FARS2: variants seen among roughly 807,000 people sequenced by gnomAD.
The protein encoded by FARS2 is phenylalanyl-tRNA synthetase 2, mitochondrial, also known as phenylalanine--tRNA ligase, mitochondrial.
FARS2 carries 40 observed loss-of-function variants against 46.4 expected under a neutral mutation model. That is an observed-to-expected ratio of 0.86 (90% CI 0.67 to 1.12). The LOEUF is 1.12. Ranked by LOEUF, FARS2 falls within the 50% of genes most tolerant of loss-of-function variation. FARS2 has a pLI of 0.00. For missense variants in FARS2, 513 were observed against 567.9 expected (o/e 0.90, Z 0.98); for synonymous variants, 234 against 214.9 (o/e 1.09, Z -0.78).
rs141462746 is a variant in FARS2 at position 5,707,274 on chromosome 6, A to G, written c.1218-64017A>G. 2.6e-3 allele frequency among the ~76,000 whole-genome samples: 403 copies of G among 152,348 alleles called. 6 individuals are homozygous for G. Among genetic ancestry groups the G allele is most frequent in the Non-Finnish European group, 4.9e-4 (33 of 68,034 alleles). Reference sequence around the variant, plus strand: ...AACGACTCCTCGTTACCAGTTGAGGACCAACCATTATTCCAATATTACATG... The same window carrying G: ...AACGACTCCTCGTTACCAGTTGAGGGCCAACCATTATTCCAATATTACATG... On this transcript the variant is annotated intron_variant, in intron 6 of 6. Transcript: ENST00000274680.
At chr6:5,689,102 A>T (rs1369421927) in intron 6 of FARS2, among the ~76,000 whole-genome samples, 2 of 151,546 alleles carry the variant, frequency 1.3e-5, no homozygotes, top group African/African-American at 4.9e-5. Flanking sequence ...TTTCTTCTTT[A>T]TTAGTCTTGC....
chr6:5,293,016 A>G (rs187359776), intron 1 of FARS2, among the ~76,000 whole-genome samples: 1 of 152,354 alleles, frequency 6.6e-6, no homozygotes, highest in African/African-American at 2.4e-5. Flanking sequence ...TGCCGCACAG[A>G]ATTCAAGTAA....
intron 5 of FARS2, among the ~76,000 whole-genome samples, chr6:5,581,913 T>C (rs866973628): frequency 2.0e-5 from 3 of 151,342 alleles, no homozygotes; most frequent in Admixed American, 6.6e-5. Context: ...CCTGATGCGC[T>C]TCTATAAATG....
At chr6:5,278,461 C>T (rs141560023) in intron 1 of FARS2, among the ~76,000 whole-genome samples, 4 of 152,066 alleles carry the variant, frequency 2.6e-5, no homozygotes, top group Admixed American at 6.5e-5. Flanking sequence ...TATGGTAAAA[C>T]GAAGGGATTT....
At chr6:5,546,214 T>C (rs1488258724) in intron 5 of FARS2, among the ~76,000 whole-genome samples, 2 of 151,896 alleles carry the variant, frequency 1.3e-5, no homozygotes, top group South Asian at 2.1e-4. Flanking sequence ...AGAAAAGATA[T>C]TTGTCAATAT....
At chr6:5,334,801 A>G (rs1771042991) in intron 1 of FARS2, among the ~76,000 whole-genome samples, 1 of 152,218 alleles carries the variant, frequency 6.6e-6, no homozygotes, top group South Asian at 2.1e-4. Flanking sequence ...AAATAATTAT[A>G]AATCACTTAA....
At chr6:5,429,739 G>A (rs1450699397) in intron 3 of FARS2, among the ~76,000 whole-genome samples, 1 of 152,162 alleles carries the variant, frequency 6.6e-6, no homozygotes, top group African/African-American at 2.4e-5. Flanking sequence ...GAGCCCAGGA[G>A]TTTGCAGTTA....
chr6:5,439,016 C>T (rs1172129623), intron 4 of FARS2, among the ~76,000 whole-genome samples: 1 of 152,152 alleles, frequency 6.6e-6, no homozygotes, highest in African/African-American at 2.4e-5. Flanking sequence ...GTGACTGTTG[C>T]TGTTTTAGTA....
At chr6:5,539,805 C>G (rs923384388) in intron 4 of FARS2, among the ~76,000 whole-genome samples, 2 of 152,156 alleles carry the variant, frequency 1.3e-5, no homozygotes, top group African/African-American at 4.8e-5. Flanking sequence ...GAATTCTCAT[C>G]ATCAGCATTA....
chr6:5,610,824 T>C (rs1775138446), intron 5 of FARS2, among the ~76,000 whole-genome samples: 1 of 152,264 alleles, frequency 6.6e-6, no homozygotes, highest in Middle Eastern at 3.2e-3. Context: ...CCTGTCCAGC[T>C]TCAGCCTCTC....
chr6:5,310,710 A>G (rs1046662345), intron 1 of FARS2, among the ~76,000 whole-genome samples: 8 of 152,310 alleles, frequency 5.3e-5, no homozygotes, highest in African/African-American at 1.9e-4. Context: ...ATCAAACAAA[A>G]AGTAATCTAA....
At chr6:5,645,554 G>A (rs1582660422) in intron 6 of FARS2, among the ~76,000 whole-genome samples, 1 of 152,162 alleles carries the variant, frequency 6.6e-6, no homozygotes, top group Admixed American at 6.5e-5. Flanking sequence ...TTTGTTCAGG[G>A]CCACGTAGCC....
At chr6:5,342,418 C>A (rs1561970996) in intron 1 of FARS2, among the ~76,000 whole-genome samples, 1 of 152,142 alleles carries the variant, frequency 6.6e-6, no homozygotes, top group African/African-American at 2.4e-5. Context: ...AACAGCCAGA[C>A]AACTGAGACA....
At chr6:5,391,958 A>T (rs945003715) in intron 2 of FARS2, among the ~76,000 whole-genome samples, 2 of 152,220 alleles carry the variant, frequency 1.3e-5, no homozygotes, top group South Asian at 2.1e-4. Context: ...TTGGATTTGC[A>T]CAAGGACAGT....
chr6:5,403,382 A>G (rs948447212), intron 2 of FARS2, among the ~76,000 whole-genome samples: 1 of 152,206 alleles, frequency 6.6e-6, no homozygotes. Context: ...GCTTGGTTCC[A>G]CAGCAAAGCT....
At chr6:5,420,292 T>C (rs1184437109) in intron 3 of FARS2, among the ~76,000 whole-genome samples, 1 of 152,080 alleles carries the variant, frequency 6.6e-6, no homozygotes, top group Non-Finnish European at 1.5e-5. Context: ...CCCTGGCCCC[T>C]CCCAAATCTC....
At chr6:5,545,833 G>A (rs1582411738) in intron 5 of FARS2, among the ~76,000 whole-genome samples, 1 of 152,230 alleles carries the variant, frequency 6.6e-6, no homozygotes, top group East Asian at 1.9e-4. Context: ...ATGTGAATTT[G>A]TAAAGAAGTT....
At chr6:5,584,108 GACAC>G (rs143867485) in intron 5 of FARS2, among the ~76,000 whole-genome samples, 44 of 122,940 alleles carry the variant, frequency 3.6e-4, no homozygotes, top group South Asian at 9.3e-4. Context: ...TTCTCTCTCT[GACAC>G]ACACACACAC....
chr6:5,689,509 T>C (rs1757523187), intron 6 of FARS2, among the ~76,000 whole-genome samples: 1 of 152,236 alleles, frequency 6.6e-6, no homozygotes, highest in Admixed American at 6.5e-5. Flanking sequence ...TTGAGCGGTT[T>C]TGAGTGAGTT....
Sources: allele counts gnomAD v4.1 joint callset (sites outside exome capture counted in the v4.1 genomes callset), GRCh38; gene constraint gnomAD v4.1.1; transcripts MANE v1.5; gene names NCBI Gene and HGNC (gene_info 2026-07-23, HGNC 2026-07-21).